ABR: variants seen among roughly 807,000 people sequenced by gnomAD.
The protein encoded by ABR is ABR activator of RhoGEF and GTPase, also known as active breakpoint cluster region-related protein.
Under a neutral mutation model 107.2 loss-of-function variants are expected in ABR, and 35 were observed. That is an observed-to-expected ratio of 0.33 (90% confidence interval 0.25 to 0.43). ABR has a LOEUF of 0.43. ABR is among the 20% of genes least tolerant of loss of function. ABR has a pLI of 1.00. For synonymous variants in ABR, 498 were observed against 462.0 expected (o/e 1.08, Z -1.00); for missense variants, 815 against 1,115.2 (o/e 0.73, Z 3.83).
At chr17:1,177,534 T>G (rs1479865879) in intron 1 of ABR, among the ~76,000 whole-genome samples, 1 of 152,184 alleles carries the variant, frequency 6.6e-6, no homozygotes, top group Non-Finnish European at 1.5e-5. Flanking sequence ...GTCAGGAATT[T>G]TCAAGGTGGC....
At chr17:1,061,147 G>A (rs1246144781) in intron 10 of ABR, among the ~76,000 whole-genome samples, 3 of 152,192 alleles carry the variant, frequency 2.0e-5, no homozygotes, top group Non-Finnish European at 2.9e-5. Context: ...TATACATGAG[G>A]CACCCGGCAC....
At chr17:1,149,141 G>A (rs2040687939) in intron 1 of ABR, among the ~76,000 whole-genome samples, 1 of 152,032 alleles carries the variant, frequency 6.6e-6, no homozygotes, top group African/African-American at 2.4e-5. Flanking sequence ...CTGACCTCGT[G>A]GTCCACCCAC....
At chr17:1,125,122 C>T (rs893469666) in intron 2 of ABR, 61 bp downstream of exon 2, 107 of 1,496,982 alleles carry the variant, frequency 7.1e-5, no homozygotes, top group South Asian at 6.4e-4. Context: ...GCCTGGCCCA[C>T]GATGCCCAGG....
chr17:1,127,737 G>C (rs960085126), intron 1 of ABR, among the ~76,000 whole-genome samples: 9 of 152,242 alleles, frequency 5.9e-5, no homozygotes, highest in African/African-American at 1.9e-4. Context: ...CAATTCCCAG[G>C]GGTCGCAGGA....
intron 5 of ABR, among the ~76,000 whole-genome samples, chr17:1,080,966 A>AGAAGCCACCTGGCAG (rs1420847528): frequency 6.6e-6 from 1 of 152,194 alleles, no homozygotes; most frequent in African/African-American, 2.4e-5. Flanking sequence ...AGTCAGGATG[A>AGAAGCCACCTGGCAG]GAAGCCACCT....
chr17:1,110,711 A>G (rs943766191), intron 2 of ABR, among the ~76,000 whole-genome samples: 2 of 152,194 alleles, frequency 1.3e-5, no homozygotes, highest in African/African-American at 4.8e-5. Flanking sequence ...GAGAGGCTCC[A>G]TCCTGTTGCA....
chr17:1,179,498 CGACCCCGATCCG>C lies in ABR; in HGVS notation c.61+157_61+168del, dbSNP rs1008038801. Among the ~76,000 whole-genome samples, 1 of 151,742 alleles carries C rather than the reference CGACCCCGATCCG, an allele frequency of 6.6e-6. No individual in the cohort carries two copies. The highest frequency in any genetic ancestry group is 2.4e-5 in the African/African-American group (1 of 41,328). On this transcript the variant is annotated intron_variant, in intron 1 of 22. Coordinates refer to ENST00000302538, the MANE Select transcript of ABR (RefSeq NM_021962.5). This position sits in a 1 kb window ranked among gnomAD's most constrained non-coding sequence, Gnocchi z 4.9. ...CCGACCCCGATCCCGATTCCCAACC[CGACCCCGATCCG>C]GACCCCGATCTCGCCCCCGCCCGCG...
In ABR at chr17:1,035,051, C is replaced by G. The variant is rs144173404; in HGVS notation, c.1791+14999G>C. Among the ~76,000 whole-genome samples, 333 of 152,046 alleles carry G rather than the reference C, an allele frequency of 2.2e-3. 12 individuals are homozygous for G. In the East Asian group the frequency reaches 0.052, roughly 24 times the overall value. On this transcript the variant is annotated intron_variant, in intron 16 of 22. Transcript: ENST00000302538. ...CCGAGTTGGGAGTCTTCCCCTGAGA[C>G]GCTCATCTTTCCCTTCCTCCCTATG...
chr17:1,045,575 G>A (rs1290300691), intron 16 of ABR, among the ~76,000 whole-genome samples: 2 of 152,132 alleles, frequency 1.3e-5, no homozygotes. Context: ...GGCCTTGTCC[G>A]GGCTCCTTAG....
Position 1,150,546 on chromosome 17 carries a change from C to T in ABR, c.62-25179G>A, listed in dbSNP as rs999037496. The stretch of plus-strand genomic sequence containing the variant: ...AAGCGCCGAGAGAGGCCCAGGAGGA[C>T]GGGCCCCGGGCATGGCAAGCGCACT... On this transcript the variant is annotated intron_variant, in intron 1 of 22. Coordinates refer to ENST00000302538, the MANE Select transcript of ABR (RefSeq NM_021962.5). The surrounding 1 kb of genome is among the most constrained non-coding windows in gnomAD (Gnocchi z 4.8). 1.3e-5 allele frequency among the ~76,000 whole-genome samples: 2 copies of T among 152,130 alleles called. No individual in the cohort carries two copies. Among genetic ancestry groups the T allele is most frequent in the Non-Finnish European group, 2.9e-5 (2 of 68,008 alleles).
chr17:1,203,415 GC>G (rs2042716262), intron 1 of ABR, among the ~76,000 whole-genome samples: 1 of 135,126 alleles, frequency 7.4e-6, no homozygotes, highest in South Asian at 2.3e-4. Flanking sequence ...GGCGGAGTCT[GC>G]GGGGGCGGGG....
rs747261456 is a variant in ABR, at chr17:1,010,876, G to A, written c.2102-13C>T. On this transcript the variant is annotated splice_polypyrimidine_tract_variant and intron_variant, in intron 19 of 22. Coordinates refer to ENST00000302538, the MANE Select transcript of ABR (RefSeq NM_021962.5). The surrounding 1 kb of genome is among the most constrained non-coding windows in gnomAD (Gnocchi z 4.1). ...ATGTCCTTGTTATCTGCAGGGGTGGGGCCGAGGTCAGGCAGCCTTAGCTGG... is the reference window on the plus strand; with the variant it reads ...ATGTCCTTGTTATCTGCAGGGGTGGAGCCGAGGTCAGGCAGCCTTAGCTGG... 1.2e-6 allele frequency: 2 copies of A among 1,612,896 alleles called. No homozygotes were observed. Among genetic ancestry groups the A allele is most frequent in the Non-Finnish European group, 8.5e-7 (1 of 1,179,966 alleles).
intron 1 of ABR, among the ~76,000 whole-genome samples, chr17:1,204,289 C>G (rs770133309): frequency 6.6e-6 from 1 of 152,188 alleles, no homozygotes; most frequent in African/African-American, 2.4e-5. Flanking sequence ...TACTAAAATA[C>G]AAAACATTAT....
In ABR at chr17:1,004,843, GGCCTGT is replaced by G. The variant is rs1450159991; in HGVS notation, c.*1231_*1236del. The G allele has an allele frequency of 7.6e-6, 3 of 394,372 alleles. No individual in the cohort carries two copies. Among genetic ancestry groups the G allele is most frequent in the Non-Finnish European group, 1.3e-5 (3 of 223,694 alleles). 24.4% of individuals were successfully genotyped at this position (394,372 alleles called of 1,614,324 possible). On this transcript the variant is annotated 3_prime_UTR_variant, in exon 23 of 23. Coordinates refer to ENST00000302538, the MANE Select transcript of ABR (RefSeq NM_021962.5). ...GGCACCACAATGGCTGGCCACCGTGGGCCTGTGCCTTTGCTTCCCAGGTCCTGGAGG... is the reference window on the plus strand; with the variant it reads ...GGCACCACAATGGCTGGCCACCGTGGGCCTTTGCTTCCCAGGTCCTGGAGG...
intron 10 of ABR, among the ~76,000 whole-genome samples, chr17:1,064,254 A>T (rs1370266934): frequency 2.6e-5 from 1 of 38,868 alleles, no homozygotes; most frequent in Admixed American, 2.7e-4. Flanking sequence ...ATGTAAACTG[A>T]GGGCTATGCA....
At position 1,119,528 on chromosome 17, in the gene ABR, C is replaced by T. The variant is rs897517972; in HGVS notation, c.246+5655G>A. 5.9e-5 allele frequency among the ~76,000 whole-genome samples: 6 copies of T among 102,192 alleles called. 1 individual carries two copies. Among genetic ancestry groups the T allele is most frequent in the African/African-American group, 2.2e-4 (6 of 27,442 alleles). The allele number at this position is 102,192 out of a possible 152,430, so 67.0% of individuals were successfully genotyped here. On this transcript the variant is annotated intron_variant, in intron 2 of 22. Transcript: ENST00000302538. ...ATCCCTGAGCCTGAGTTCTTCCCAG[C>T]GTTATTGCCTGAGCCTTCCTTGCTC...
intron 10 of ABR, among the ~76,000 whole-genome samples, chr17:1,059,608 C>T (rs1436621700): frequency 2.0e-5 from 3 of 152,196 alleles, no homozygotes; most frequent in Non-Finnish European, 2.9e-5. Context: ...CACCAGGTCC[C>T]GTCGGCTCAG....
intron 6 of ABR, among the ~76,000 whole-genome samples, chr17:1,077,802 G>A (rs1382116565): frequency 6.6e-6 from 1 of 152,216 alleles, no homozygotes; most frequent in Non-Finnish European, 1.5e-5. Flanking sequence ...TGGGAAGGAA[G>A]AGGAAGGTCC....
chr17:1,072,647 G>T lies in ABR; in HGVS notation c.861C>A (p.Pro287=). The change falls in exon 8 of 23, where the codon CCC becomes CCA. Residue 287 remains proline, a synonymous_variant. Coordinates refer to ENST00000302538, the MANE Select transcript of ABR (RefSeq NM_021962.5). ...TGGGCGTTGTCACTGCAGTCCGGCG[G>T]GGGTCGATGTCCTCGTTGATGCTGG... ...FLSSINEDID[P]RRTAVTTPKG... 1 of 1,612,158 alleles carries T rather than the reference G, an allele frequency of 6.2e-7. No individual in the cohort carries two copies.
Sources: allele counts gnomAD v4.1 joint callset (sites outside exome capture counted in the v4.1 genomes callset), GRCh38; gene constraint gnomAD v4.1.1; non-coding constraint Gnocchi (gnomAD v3.1); transcripts MANE v1.5; gene names NCBI Gene and HGNC (gene_info 2026-07-23, HGNC 2026-07-21).